Variants in LPP observed in about 807,000 individuals in gnomAD.
The protein encoded by LPP is LIM domain containing preferred translocation partner in lipoma.
A neutral mutation model predicts 60.4 loss-of-function variants in LPP; 38 were observed. That is an observed-to-expected ratio of 0.63 (90% CI 0.49 to 0.83). The LOEUF (loss-of-function observed/expected upper bound fraction) is 0.83. Among genes scored for constraint, LPP ranks in the 40% least tolerant of loss-of-function variants. LPP has a pLI of 0.00. For synonymous variants in LPP, 328 were observed against 290.8 expected (o/e 1.13, Z -1.30); for missense variants, 902 against 783.6 (o/e 1.15, Z -1.80).
intron 1 of LPP, among the ~76,000 whole-genome samples, chr3:188,201,767 G>A (rs929621409): frequency 7.2e-5 from 11 of 152,106 alleles, no homozygotes; most frequent in African/African-American, 2.7e-4. Flanking sequence ...TGGAGATCAG[G>A]CTGCCATTGG....
chr3:188,162,268 G>A (rs545429005), intron 1 of LPP, among the ~76,000 whole-genome samples: 3 of 152,258 alleles, frequency 2.0e-5, no homozygotes, highest in African/African-American at 7.2e-5. Context: ...GATATTGGTC[G>A]GGAGTTCAAG....
intron 6 of LPP, among the ~76,000 whole-genome samples, chr3:188,548,525 G>A (rs1355186168): frequency 6.6e-6 from 1 of 152,128 alleles, no homozygotes; most frequent in East Asian, 1.9e-4. Context: ...AGCACTTCAG[G>A]TGCTTACTCT....
intron 1 of LPP, among the ~76,000 whole-genome samples, chr3:188,206,700 AG>A (rs1733325360): frequency 6.6e-6 from 1 of 152,238 alleles, no homozygotes; most frequent in Admixed American, 6.5e-5. Context: ...AAAGAAGACC[AG>A]AACTGGGGAG....
At chr3:188,318,897 T>G (rs1287608672) in intron 2 of LPP, among the ~76,000 whole-genome samples, 2 of 150,392 alleles carry the variant, frequency 1.3e-5, no homozygotes, top group Admixed American at 6.7e-5. Flanking sequence ...TAGCTGGGAC[T>G]ACAGGCGCGC....
At chr3:188,376,988 A>G (rs558195712) in intron 3 of LPP, among the ~76,000 whole-genome samples, 63 of 152,298 alleles carry the variant, frequency 4.1e-4, no homozygotes, top group Middle Eastern at 6.8e-3. Context: ...TGGATATGAA[A>G]TTCTGGGTTG....
At chr3:188,594,036 G>A (rs1316821933) in intron 6 of LPP, among the ~76,000 whole-genome samples, 7 of 152,132 alleles carry the variant, frequency 4.6e-5, no homozygotes, top group African/African-American at 1.2e-4. Context: ...TAGACTTAGT[G>A]CTCCCATGTT....
chr3:188,820,031 C>G (rs1369112443), intron 9 of LPP, among the ~76,000 whole-genome samples: 1 of 152,178 alleles, frequency 6.6e-6, no homozygotes, highest in Non-Finnish European at 1.5e-5. Context: ...TCTGTGACTT[C>G]AGCTACACAT....
At chr3:188,765,013 A>G (rs1179494965) in intron 9 of LPP, among the ~76,000 whole-genome samples, 2 of 152,174 alleles carry the variant, frequency 1.3e-5, no homozygotes, top group African/African-American at 2.4e-5. Context: ...ATGTCATCAA[A>G]TGGCTACAGT....
intron 2 of LPP, among the ~76,000 whole-genome samples, chr3:188,283,859 C>T (rs1245671514): frequency 6.6e-6 from 1 of 152,084 alleles, no homozygotes; most frequent in Non-Finnish European, 1.5e-5. Context: ...TGCCTGTAAT[C>T]CCAGCTACTC....
chr3:188,825,269 C>CTGTGTG lies in LPP; in HGVS notation c.1411-40889_1411-40884dup, dbSNP rs3057956. Among the ~76,000 whole-genome samples the CTGTGTG allele has an allele frequency of 2.5e-3, 252 of 101,726 alleles. 1 individual carries two copies. Among genetic ancestry groups the CTGTGTG allele is most frequent in the South Asian group, 7.9e-3 (18 of 2,280 alleles). The allele number at this position is 101,726 out of a possible 152,430, so 66.7% of individuals were successfully genotyped here. On this transcript the variant is annotated intron_variant, in intron 9 of 11. Coordinates refer to ENST00000617246, the MANE Select transcript of LPP (RefSeq NM_001375462.1). ...TCTTTCTCTCTCTCTCTCTCTCTCT[C>CTGTGTG]TGTGTGTGTGTGTGTGTGTGTGTGT...
intron 7 of LPP, among the ~76,000 whole-genome samples, chr3:188,655,063 A>G (rs1031947939): frequency 2.0e-5 from 3 of 152,200 alleles, no homozygotes; most frequent in African/African-American, 7.2e-5. Context: ...GTGAATGCAT[A>G]TATATCATAG....
chr3:188,559,129 A>G (rs1428681946), intron 6 of LPP, among the ~76,000 whole-genome samples: 1 of 152,046 alleles, frequency 6.6e-6, no homozygotes, highest in Non-Finnish European at 1.5e-5. Context: ...GAGCTGATGT[A>G]GTTAATTGTC....
chr3:188,688,450 G>A (rs1416662214), intron 7 of LPP, among the ~76,000 whole-genome samples: 1 of 152,084 alleles, frequency 6.6e-6, no homozygotes, highest in African/African-American at 2.4e-5. Context: ...TCTTGGCTTT[G>A]TTTGCCCATT....
intron 3 of LPP, among the ~76,000 whole-genome samples, chr3:188,368,308 G>C (rs1362719090): frequency 6.6e-6 from 1 of 151,710 alleles, no homozygotes; most frequent in Non-Finnish European, 1.5e-5. Flanking sequence ...TACTTTTTTT[G>C]CATTCAAAAC....
intron 2 of LPP, among the ~76,000 whole-genome samples, chr3:188,321,642 A>T (rs756017153): frequency 4.6e-5 from 7 of 152,194 alleles, no homozygotes; most frequent in Non-Finnish European, 7.3e-5. Flanking sequence ...TTGAGAACAT[A>T]ACTTGCTGAC....
At chr3:188,225,217 G>A (rs1717300202) in intron 1 of LPP, among the ~76,000 whole-genome samples, 188 bp from the exon 2 acceptor site, 1 of 152,106 alleles carries the variant, frequency 6.6e-6, no homozygotes, top group Non-Finnish European at 1.5e-5. Flanking sequence ...TGAACACTGA[G>A]GCATCAGCAT....
chr3:188,379,237 A>G (rs754917746), intron 3 of LPP, among the ~76,000 whole-genome samples: 161 of 152,316 alleles, frequency 1.1e-3, no homozygotes, highest in Non-Finnish European at 1.5e-3. Flanking sequence ...AAAAGTAATT[A>G]TATTGCCAGC....
intron 5 of LPP, among the ~76,000 whole-genome samples, chr3:188,509,636 TC>T (rs1338197637): frequency 3.3e-5 from 1 of 30,230 alleles, no homozygotes; most frequent in Non-Finnish European, 7.3e-5. Context: ...CTTCCTTCCT[TC>T]CTTCCTTCCT....
At chr3:188,373,277 G>A (rs1363443078) in intron 3 of LPP, among the ~76,000 whole-genome samples, 4 of 152,134 alleles carry the variant, frequency 2.6e-5, no homozygotes, top group African/African-American at 4.8e-5. Flanking sequence ...CTGAGGAATC[G>A]CCACACTGAC....
Sources: allele counts gnomAD v4.1 joint callset (sites outside exome capture counted in the v4.1 genomes callset), GRCh38; gene constraint gnomAD v4.1.1; transcripts MANE v1.5; gene names NCBI Gene and HGNC (gene_info 2026-07-23, HGNC 2026-07-21).